The following CAPN2 variants were observed in gnomAD, a reference collection of about 807,000 sequenced individuals.
The protein encoded by CAPN2 is calpain-2 catalytic subunit.
CAPN2 carries 92 observed loss-of-function variants against 102.3 expected under a neutral mutation model. The ratio of observed to expected loss-of-function variants is 0.90; its 90% CI spans 0.76 to 1.07. The LOEUF is 1.07. CAPN2 is among the 50% of genes least tolerant of loss of function. CAPN2 has a pLI of 0.00. For synonymous variants in CAPN2, 340 were observed against 355.4 expected (o/e 0.96, Z 0.49); for missense variants, 800 against 909.4 (o/e 0.88, Z 1.55).
rs1313376841 is a variant in CAPN2, at chr1:223,744,196, A to G, written c.404A>G (p.Tyr135Cys). The G allele has an allele frequency of 1.2e-6, 2 of 1,612,888 alleles. No individual in the cohort carries two copies. The highest frequency in any genetic ancestry group is 1.3e-5 in the African/African-American group (1 of 75,014). The change falls in exon 3 of 21, where the codon TAT (tyrosine) becomes TGT (cysteine). Residue 135 changes from tyrosine (Y) to cysteine (C), a missense_variant. Transcript: ENST00000295006. ...VPLNQSFQEN[Y>C]AGIFHFQFWQ... The stretch of plus-strand genomic sequence containing the variant: ...CTAAACCAGAGCTTCCAGGAAAACT[A>G]TGCAGGGATCTTTCACTTCCAGGTA...
chr1:223,773,401 A>T (rs1032419559), intron 20 of CAPN2: 1 of 152,262 alleles, frequency 6.6e-6, no homozygotes, highest in African/African-American at 2.4e-5. Context: ...TACTGAAAAT[A>T]CAAAAATTAG....
At chr1:223,713,004 C>A in intron 1 of CAPN2, 127 bp downstream of exon 1, 1 of 582,038 alleles carries the variant, frequency 1.7e-6, no homozygotes, top group Non-Finnish European at 2.5e-6. Context: ...AAGCCAGGAC[C>A]TCGCAGTCCT....
At chr1:223,749,247 A>C in intron 6 of CAPN2, 125 bp downstream of exon 6, 1 of 779,686 alleles carries the variant, frequency 1.3e-6, no homozygotes, top group Non-Finnish European at 2.1e-6. Flanking sequence ...CGGGCCCCGC[A>C]CTCCTGAAGT....
intron 15 of CAPN2, among the ~76,000 whole-genome samples, chr1:223,765,716 G>A (rs201073750): frequency 2.1e-5 from 3 of 142,948 alleles, no homozygotes; most frequent in Non-Finnish European, 4.6e-5. Flanking sequence ...CCATCTAAGG[G>A]GTTGGTGCCC....
chr1:223,713,024 C>G, intron 1 of CAPN2, 147 bp downstream of exon 1: 1 of 473,648 alleles, frequency 2.1e-6, no homozygotes, highest in Non-Finnish European at 3.3e-6. Context: ...TGCGACACCT[C>G]CGCGCCGCCA....
At chr1:223,715,846 T>A (rs914540218) in intron 1 of CAPN2, among the ~76,000 whole-genome samples, 1 of 152,192 alleles carries the variant, frequency 6.6e-6, no homozygotes, top group African/African-American at 2.4e-5. Context: ...TCAGTGACTG[T>A]TATCATCAAC....
chr1:223,738,677 C>G (rs1571796714), intron 2 of CAPN2, among the ~76,000 whole-genome samples: 1 of 152,206 alleles, frequency 6.6e-6, no homozygotes, highest in Non-Finnish European at 1.5e-5. Context: ...AGCAGCCTCC[C>G]AGTCAGAGAA....
chr1:223,739,058 G>A (rs1478440006), intron 2 of CAPN2, among the ~76,000 whole-genome samples: 3 of 152,130 alleles, frequency 2.0e-5, no homozygotes, highest in Non-Finnish European at 2.9e-5. Context: ...GGAATGTATC[G>A]GGCACTCAGC....
intron 1 of CAPN2, among the ~76,000 whole-genome samples, chr1:223,717,381 A>T (rs1659905447): frequency 6.6e-6 from 1 of 152,198 alleles, no homozygotes; most frequent in Admixed American, 6.5e-5. Flanking sequence ...ACTTGCATGC[A>T]GTAACAGAGG....
intron 1 of CAPN2, among the ~76,000 whole-genome samples, chr1:223,717,082 G>T (rs1388548021): frequency 2.0e-5 from 3 of 152,188 alleles, no homozygotes; most frequent in African/African-American, 7.2e-5. Flanking sequence ...AGTCTCTGAT[G>T]TAAGCAGGTA....
intron 20 of CAPN2, among the ~76,000 whole-genome samples, chr1:223,774,096 T>TTTCC (rs1398464805): frequency 3.3e-4 from 50 of 152,078 alleles, no homozygotes; most frequent in African/African-American, 1.2e-3. Context: ...ATGCCACATG[T>TTTCC]TAAGTTCTGG....
intron 15 of CAPN2, among the ~76,000 whole-genome samples, chr1:223,764,581 G>A (rs1661267194): frequency 6.6e-6 from 1 of 152,160 alleles, no homozygotes; most frequent in South Asian, 2.1e-4. Context: ...AGCCTCCCAA[G>A]TAGCTGGAAT....
At chr1:223,704,689 G>C (rs113580974) in intron 1 of CAPN2, among the ~76,000 whole-genome samples, 3 of 152,198 alleles carry the variant, frequency 2.0e-5, no homozygotes, top group African/African-American at 2.4e-5. Context: ...CCTGCAATAA[G>C]GTGGGCCACA....
At chr1:223,745,119 G>A (rs1308326690) in intron 3 of CAPN2, among the ~76,000 whole-genome samples, 187 bp from the exon 4 acceptor site, 3 of 151,908 alleles carry the variant, frequency 2.0e-5, no homozygotes, top group East Asian at 1.9e-4. Flanking sequence ...ATGGACATGC[G>A]CCTCTGTCTT....
upstream of CAPN2, among the ~76,000 whole-genome samples, chr1:223,709,324 A>G (rs942457736): frequency 1.3e-5 from 2 of 152,212 alleles, no homozygotes; most frequent in African/African-American, 4.8e-5. Context: ...AAGAAAAGGT[A>G]ACATCATGGC....
intron 1 of CAPN2, among the ~76,000 whole-genome samples, chr1:223,703,345 T>C (rs562370386): frequency 6.6e-6 from 1 of 152,050 alleles, no homozygotes; most frequent in African/African-American, 2.4e-5. Flanking sequence ...GGTCTCTCTA[T>C]GTTGTGCAGG....
intron 2 of CAPN2, among the ~76,000 whole-genome samples, chr1:223,718,213 C>T (rs1659934720): frequency 1.3e-5 from 2 of 152,226 alleles, no homozygotes; most frequent in South Asian, 2.1e-4. Flanking sequence ...AGACCAATGA[C>T]AGCACTGAGA....
Position 223,739,182 on chromosome 1 carries a change from ATTTTT to A in CAPN2, c.308-4902_308-4898del, listed in dbSNP as rs5781334. Among the ~76,000 whole-genome samples the A allele has an allele frequency of 3.0e-5, 4 of 132,432 alleles. No individual in the cohort carries two copies. The East Asian group carries it at 6.7e-4, about 22-fold the overall frequency. The allele number at this position is 132,432 out of a possible 152,430, so 86.9% of individuals were successfully genotyped here. ...TCAACAGGTAACCAAGCATAAACAGATTTTTTTTTTTTTTTTTTTTAGACAGAGTC... is the reference window on the plus strand; with the variant it reads ...TCAACAGGTAACCAAGCATAAACAGATTTTTTTTTTTTTTTAGACAGAGTC... On this transcript the variant is annotated intron_variant, in intron 2 of 20. Transcript: ENST00000295006.
chr1:223,733,895 A>G (rs572398160), intron 2 of CAPN2, among the ~76,000 whole-genome samples: 5 of 152,374 alleles, frequency 3.3e-5, no homozygotes, highest in African/African-American at 7.2e-5. Context: ...CTCATCTGCC[A>G]TAGGCACAAA....
Sources: allele counts gnomAD v4.1 joint callset (sites outside exome capture counted in the v4.1 genomes callset), GRCh38; gene constraint gnomAD v4.1.1; transcripts MANE v1.5; gene names NCBI Gene and HGNC (gene_info 2026-07-23, HGNC 2026-07-21).